TRIP11: variants seen among roughly 807,000 people sequenced by gnomAD.
The protein encoded by TRIP11 is thyroid receptor-interacting protein 11.
TRIP11 carries 148 observed loss-of-function variants against 223.1 expected under a neutral mutation model. The observed-to-expected ratio is 0.66, with a 90% CI of 0.58 to 0.76. TRIP11 has a LOEUF of 0.76. Among genes scored for constraint, TRIP11 ranks in the 30% least tolerant of loss-of-function variants. The pLI is 0.00. For missense variants in TRIP11, 2,043 were observed against 2,222.0 expected, an observed-to-expected ratio of 0.92 and a Z score of 1.62; for synonymous variants, 762 against 772.6, an observed-to-expected ratio of 0.99 and a Z score of 0.23.
Position 92,003,542 on chromosome 14 carries a change from TTC to T in TRIP11, c.4432_4433del (p.Glu1478IlefsTer8), listed in dbSNP as rs1366285612. 8.7e-6 allele frequency: 14 copies of T among 1,614,058 alleles called. No homozygotes were observed. Among genetic ancestry groups the T allele is most frequent in the African/African-American group, 1.3e-5 (1 of 74,938 alleles). On this transcript the variant is annotated frameshift_variant, in exon 11 of 21. Transcript: ENST00000267622. LOFTEE classifies it high-confidence loss of function. ...TGTTAGTCTCTTGTAACGCTTGATA[TTC>T]TGTTTCCTTTCCCCTGTATGTTTCC... Reference protein sequence around the residue: ...IVETYRGKETEYQALQETNMK... With the variant: ...IVETYRGKETXYQALQETNMK...
At chr14:92,002,213 A>G (rs1430164888) in intron 11 of TRIP11, among the ~76,000 whole-genome samples, 1 of 152,194 alleles carries the variant, frequency 6.6e-6, no homozygotes, top group Non-Finnish European at 1.5e-5. Context: ...ACAGTATAGT[A>G]TACAGTGTAA....
At chr14:92,007,216 G>T (rs1264090392) in intron 10 of TRIP11, among the ~76,000 whole-genome samples, 1 of 151,864 alleles carries the variant, frequency 6.6e-6, no homozygotes, top group Non-Finnish European at 1.5e-5. Context: ...AGTAGAGACG[G>T]GGTTTCACCA....
chr14:92,028,381 G>C (rs2057216756), intron 2 of TRIP11, among the ~76,000 whole-genome samples: 1 of 151,820 alleles, frequency 6.6e-6, no homozygotes, highest in African/African-American at 2.4e-5. Flanking sequence ...GCAACATAAG[G>C]AACAAAAAAT....
At chr14:91,994,528 G>A (rs2056723602) in intron 14 of TRIP11, among the ~76,000 whole-genome samples, 1 of 152,188 alleles carries the variant, frequency 6.6e-6, no homozygotes, top group African/African-American at 2.4e-5. Flanking sequence ...ACAGGCATGA[G>A]CCACCGTGCC....
intron 15 of TRIP11, among the ~76,000 whole-genome samples, chr14:91,988,633 T>TAAA (rs749287959): frequency 2.0e-5 from 2 of 99,508 alleles, no homozygotes; most frequent in Admixed American, 1.1e-4. Flanking sequence ...ATGACAGAAG[T>TAAA]AAAAAAAAAA....
chr14:92,003,811 C>A lies in TRIP11; in HGVS notation c.4165G>T (p.Glu1389Ter). Residue 1389 changes from glutamate to a stop codon, truncating the protein, a stop_gained, in exon 11 of 21, where the codon GAA becomes TAA. Coordinates refer to ENST00000267622, the MANE Select transcript of TRIP11 (RefSeq NM_004239.4). LOFTEE classifies it high-confidence loss of function. ...TGCTTGATTTCTGAATCGGTTTGTT[C>A]GTGTTCTTTTCTTTCTAGCTCTGAG... Reference protein sequence around the residue: ...ATSELERKEHEQTDSEIKQLK... With the variant: ...ATSELERKEH The A allele has an allele frequency of 6.2e-7, 1 of 1,614,032 alleles. No homozygotes were observed. Among genetic ancestry groups the A allele is most frequent in the Non-Finnish European group, 8.5e-7 (1 of 1,180,012 alleles).
At position 92,006,213 on chromosome 14, in the gene TRIP11, A is replaced by G; in HGVS notation, c.1763T>C (p.Leu588Ser). The change falls in exon 11 of 21, where the codon TTA becomes TCA. Residue 588 changes from leucine (L) to serine (S), a missense_variant. Physicochemically the swap from Leu to Ser is moderately radical, Grantham distance 145. Transcript: ENST00000267622. Reference sequence around the variant, plus strand: ...TTGTGATTTATTTAGCTGATCTACTAAATTTTCTACTTTGTCCTCAAGTTT... The same window carrying G: ...TTGTGATTTATTTAGCTGATCTACTGAATTTTCTACTTTGTCCTCAAGTTT... Reference protein sequence around the residue: ...KQKLEDKVENLVDQLNKSQES... With the variant: ...KQKLEDKVENSVDQLNKSQES... 6.2e-7 allele frequency: 1 copy of G among 1,613,270 alleles called. No individual in the cohort carries two copies. The highest frequency in any genetic ancestry group is 1.3e-5 in the African/African-American group (1 of 75,026).
chr14:92,039,825 G>C lies in TRIP11; in HGVS notation c.-140C>G, dbSNP rs1488670709. The C allele has an allele frequency of 3.9e-6, 6 of 1,529,080 alleles. No homozygotes were observed. Among genetic ancestry groups the C allele is most frequent in the Non-Finnish European group, 5.3e-6 (6 of 1,132,382 alleles). 94.7% of individuals were successfully genotyped at this position (1,529,080 alleles called of 1,614,324 possible). A position where few individuals can be genotyped will look rare whatever the true frequency, so the allele number is the denominator to read the frequency against. Reference sequence around the variant, plus strand: ...AACACAAAGCTGGGTTCTCAGGCAAGGCCGACTCCAGGTTCTGCCTAGAAA... The same window carrying C: ...AACACAAAGCTGGGTTCTCAGGCAACGCCGACTCCAGGTTCTGCCTAGAAA... On this transcript the variant is annotated 5_prime_UTR_variant, in exon 1 of 21. Coordinates refer to ENST00000267622, the MANE Select transcript of TRIP11 (RefSeq NM_004239.4).
At chr14:92,018,081 A>G (rs1196575949) in intron 4 of TRIP11, among the ~76,000 whole-genome samples, 1 of 151,830 alleles carries the variant, frequency 6.6e-6, no homozygotes, top group Non-Finnish European at 1.5e-5. Context: ...TCTAAAAGGA[A>G]ATTTCTTTTT....
At chr14:92,031,439 C>T (rs369108794) in intron 2 of TRIP11, among the ~76,000 whole-genome samples, 11 of 152,086 alleles carry the variant, frequency 7.2e-5, no homozygotes, top group Admixed American at 5.2e-4. Flanking sequence ...TAGCTGGGTG[C>T]GGTGTTGCAT....
chr14:91,975,417 TAA>T, intron 17 of TRIP11, 131 bp from the exon 18 acceptor site: 4 of 487,902 alleles, frequency 8.2e-6, no homozygotes, highest in Non-Finnish European at 1.1e-5. Flanking sequence ...CAAAATATTT[TAA>T]AGTGTCTTTA....
Position 92,039,443 on chromosome 14 carries a change from T to C in TRIP11, c.139+104A>G. On this transcript the variant is annotated intron_variant, in intron 1 of 20. Transcript: ENST00000267622. ...GTGAAGAAAAAAGGGAGGAGCAGCA[T>C]TCCTTTGCGACCTGTCCGCGTCTCC... The C allele has an allele frequency of 7.1e-6, 9 of 1,274,118 alleles. No individual in the cohort carries two copies. In the South Asian group the frequency reaches 1.0e-4, roughly 15 times the overall value. 78.9% of individuals were successfully genotyped at this position (1,274,118 alleles called of 1,614,324 possible). A position where few individuals can be genotyped will look rare whatever the true frequency, so the allele number is the denominator to read the frequency against.
chr14:91,980,151 G>A (rs1030082843), intron 16 of TRIP11, among the ~76,000 whole-genome samples: 1 of 151,968 alleles, frequency 6.6e-6, no homozygotes, highest in Non-Finnish European at 1.5e-5. Flanking sequence ...TTCAACATTT[G>A]GTTTAAAATA....
Position 92,011,772 on chromosome 14 carries a change from A to G in TRIP11, c.1210T>C (p.Leu404=), listed in dbSNP as rs774020127. 3.1e-6 allele frequency: 5 copies of G among 1,611,902 alleles called. No individual in the cohort carries two copies. Among genetic ancestry groups the G allele is most frequent in the African/African-American group, 2.7e-5 (2 of 74,884 alleles). Reference sequence around the variant, plus strand: ...TAATTTACCTGGTTTAAACTACTCAATCTCATTATTTCATTTTCGGCATCT... The same window carrying G: ...TAATTTACCTGGTTTAAACTACTCAGTCTCATTATTTCATTTTCGGCATCT... ...LSDAENEIMR[L]SSLNQDNSLA... is the part of the protein sequence containing the mutation. Residue 404 remains leucine (L), a synonymous_variant, in exon 8 of 21, where the codon TTG becomes CTG. Coordinates refer to ENST00000267622, the MANE Select transcript of TRIP11 (RefSeq NM_004239.4).
chr14:92,009,891 G>C (rs1020131693), intron 9 of TRIP11, among the ~76,000 whole-genome samples: 2 of 152,180 alleles, frequency 1.3e-5, no homozygotes, highest in African/African-American at 4.8e-5. Context: ...AACAGAGACT[G>C]CCTCTGGGAA....
chr14:91,997,162 G>C (rs2056761333), intron 13 of TRIP11, among the ~76,000 whole-genome samples: 1 of 152,192 alleles, frequency 6.6e-6, no homozygotes, highest in Non-Finnish European at 1.5e-5. Flanking sequence ...GTGGGTGATT[G>C]TAGGAATGAA....
Position 92,000,100 on chromosome 14 carries a change from A to C in TRIP11, c.4566T>G (p.Thr1522=). 6.2e-7 allele frequency: 1 copy of C among 1,613,976 alleles called. No homozygotes were observed. ...CATTTAAAAGCTGATTTAACTCTCCAGTCTTGCCCTTTTGGAAAGAAAAAA... is the reference window on the plus strand; with the variant it reads ...CATTTAAAAGCTGATTTAACTCTCCCGTCTTGCCCTTTTGGAAAGAAAAAA... ...QLLKEKEQGK[T]GELNQLLNAV... The change falls in exon 12 of 21, where the codon ACT becomes ACG. Residue 1522 remains threonine (T), a synonymous_variant. Coordinates refer to ENST00000267622, the MANE Select transcript of TRIP11 (RefSeq NM_004239.4).
intron 10 of TRIP11, 90 bp from the exon 11 acceptor site, chr14:92,006,538 AT>A (rs1266797194): frequency 7.6e-7 from 1 of 1,320,674 alleles, no homozygotes; most frequent in African/African-American, 1.5e-5. Flanking sequence ...ATAATAGAAA[AT>A]AATCCTCAAA....
chr14:91,989,891 T>C (rs969038274), intron 15 of TRIP11, among the ~76,000 whole-genome samples: 67 of 152,192 alleles, frequency 4.4e-4, no homozygotes, highest in Non-Finnish European at 1.0e-4. Flanking sequence ...CGCCTATGCC[T>C]ATGGAGTTCC....
Sources: gnomAD v4.1 joint callset for allele counts (sites outside exome capture counted in the v4.1 genomes callset) on GRCh38, gnomAD v4.1.1 for gene constraint, MANE v1.5 for transcripts, NCBI Gene and HGNC (gene_info 2026-07-23, HGNC 2026-07-21) for gene names.